The following PCNX2 variants were observed in gnomAD, a reference collection of about 807,000 sequenced individuals.
PCNX2 encodes the protein pecanex-like protein 2.
PCNX2 carries 168 observed loss-of-function variants against 223.8 expected under a neutral mutation model. The observed-to-expected ratio is 0.75, with a 90% CI of 0.66 to 0.85. PCNX2 has a LOEUF of 0.85. PCNX2 is among the 40% of genes least tolerant of loss of function. PCNX2 has a pLI of 0.00. For missense variants in PCNX2, 2,507 were observed against 2,675.5 expected (o/e 0.94, Z 1.39); for synonymous variants, 1,006 against 1,052.6 (o/e 0.96, Z 0.86).
intron 9 of PCNX2, among the ~76,000 whole-genome samples, chr1:233,235,555 C>T (rs1658334559): frequency 6.6e-6 from 1 of 152,144 alleles, no homozygotes; most frequent in South Asian, 2.1e-4. Flanking sequence ...ATTTTCTTTG[C>T]ACAGCTGGGT....
chr1:232,987,794 GC>G (rs1374444378), intron 32 of PCNX2, among the ~76,000 whole-genome samples: 2 of 152,074 alleles, frequency 1.3e-5, no homozygotes, highest in Non-Finnish European at 2.9e-5. Flanking sequence ...GGCTGAAGGG[GC>G]CTTTCTGCCT....
At chr1:233,205,755 T>G (rs182542470) in intron 13 of PCNX2, among the ~76,000 whole-genome samples, 54 of 152,254 alleles carry the variant, frequency 3.5e-4, no homozygotes, top group Non-Finnish European at 6.8e-4. Flanking sequence ...TGGTTCATCC[T>G]TTCAACAAAT....
At chr1:233,309,485 G>A in the PCNX2 span, among the ~76,000 whole-genome samples, 1 of 150,754 alleles carries the variant, frequency 6.6e-6, no homozygotes. Context: ...AGGATGCAGT[G>A]AGCCAAGATC....
intron 15 of PCNX2, among the ~76,000 whole-genome samples, chr1:233,186,686 A>C (rs936699055): frequency 6.6e-6 from 1 of 152,240 alleles, no homozygotes; most frequent in Admixed American, 6.5e-5. Flanking sequence ...GTCAGACTTC[A>C]CTATCTGCTA....
chr1:233,046,050 A>AT (rs1671812448), intron 25 of PCNX2, among the ~76,000 whole-genome samples: 1 of 152,242 alleles, frequency 6.6e-6, no homozygotes, highest in South Asian at 2.1e-4. Flanking sequence ...ACACAAATGC[A>AT]TCCCTTTCAG....
chr1:233,244,072 G>A (rs1239194040), intron 8 of PCNX2, among the ~76,000 whole-genome samples: 1 of 151,870 alleles, frequency 6.6e-6, no homozygotes, highest in Non-Finnish European at 1.5e-5. Flanking sequence ...CTTGTGATCC[G>A]CCCGCCATGG....
intron 22 of PCNX2, among the ~76,000 whole-genome samples, chr1:233,091,739 AAAAAAAAAAATCATGATTTTTT>A (rs1208810291): frequency 6.6e-6 from 1 of 150,660 alleles, no homozygotes; most frequent in African/African-American, 2.4e-5. Flanking sequence ...CCTCAAAAAA[AAAAAAAAAAATCATGATTTTTT>A]TTTTTTCAAG....
rs182258171 is a variant in PCNX2, at chr1:233,187,580, G to C, written c.3067-8405C>G. ...CCAAATCTTACTTCACTCAACAATT[G>C]CAATTCCATTTTGAACAACTTCTGA... On this transcript the variant is annotated intron_variant, in intron 15 of 33. Transcript: ENST00000258229. 2.6e-5 allele frequency among the ~76,000 whole-genome samples: 4 copies of C among 152,208 alleles called. No homozygotes were observed. In the East Asian group the frequency reaches 7.7e-4, roughly 29 times the overall value.
At chr1:233,245,716 C>T (rs540857289) in intron 8 of PCNX2, among the ~76,000 whole-genome samples, 6 of 152,226 alleles carry the variant, frequency 3.9e-5, no homozygotes, top group Non-Finnish European at 8.8e-5. Context: ...AGATTGAGAC[C>T]ATCCTGGCTA....
chr1:233,125,288 C>G (rs1036418451), intron 21 of PCNX2, among the ~76,000 whole-genome samples: 1 of 152,194 alleles, frequency 6.6e-6, no homozygotes, highest in Non-Finnish European at 1.5e-5. Context: ...TTTCACGGGT[C>G]ACTTCTCAAT....
At chr1:233,147,631 T>C (rs931637960) in intron 19 of PCNX2, among the ~76,000 whole-genome samples, 4 of 152,206 alleles carry the variant, frequency 2.6e-5, no homozygotes, top group African/African-American at 7.2e-5. Flanking sequence ...CAGACTTGTG[T>C]TGTTCAAGGT....
intron 23 of PCNX2, among the ~76,000 whole-genome samples, chr1:233,086,487 C>G (rs574064560): frequency 6.6e-6 from 1 of 151,512 alleles, no homozygotes; most frequent in East Asian, 1.9e-4. Flanking sequence ...GAAACCCCGT[C>G]TCTACTAAAA....
intron 9 of PCNX2, 62 bp from the exon 10 acceptor site, chr1:233,227,433 A>AATAT (rs760988738): frequency 2.3e-6 from 3 of 1,300,648 alleles, no homozygotes; most frequent in Non-Finnish European, 3.2e-6. Flanking sequence ...CATGGCCACA[A>AATAT]ATATATATAT....
At position 232,987,179 on chromosome 1, in the gene PCNX2, C is replaced by A. The variant is rs375477316; in HGVS notation, c.5792-639G>T. 1.4e-3 allele frequency among the ~76,000 whole-genome samples: 218 copies of A among 152,356 alleles called. 1 individual carries two copies. Among genetic ancestry groups the A allele is most frequent in the African/African-American group, 5.1e-3 (210 of 41,580 alleles). The stretch of plus-strand genomic sequence containing the variant: ...TCTCAGCCAGCCCCTTTGCCCACTG[C>A]CTCGCCCCTCAGGGGCCCTGCCACC... On this transcript the variant is annotated intron_variant, in intron 32 of 33. Transcript: ENST00000258229.
chr1:233,170,875 C>T (rs928657976), intron 17 of PCNX2, among the ~76,000 whole-genome samples: 1 of 152,128 alleles, frequency 6.6e-6, no homozygotes, highest in Non-Finnish European at 1.5e-5. Context: ...CAAAACATTC[C>T]AACATGCATA....
intron 13 of PCNX2, chr1:233,201,943 T>C (rs2102898327): frequency 9.4e-6 from 2 of 211,694 alleles, no homozygotes; most frequent in African/African-American, 4.7e-5. Flanking sequence ...GGGTGTAGAA[T>C]TGGAACTTAA....
rs747220094 is a variant in PCNX2, at chr1:233,252,645, C to A, written c.1978G>T (p.Ala660Ser). The change falls in exon 6 of 34, where the codon GCC becomes TCC. Residue 660 changes from alanine (A) to serine (S), a missense_variant. Coordinates refer to ENST00000258229, the MANE Select transcript of PCNX2 (RefSeq NM_014801.4). ...AATTAAGTAACTTATCCTTACAAGGCTGTGGTCTTGGCAGGCTGAGTGCAT... is the reference window on the plus strand; with the variant it reads ...AATTAAGTAACTTATCCTTACAAGGATGTGGTCTTGGCAGGCTGAGTGCAT... ...PACTQPAKTT[A>S]FFQGNRQRQI... is the part of the protein sequence containing the mutation. 3 of 1,609,878 alleles carry A rather than the reference C, an allele frequency of 1.9e-6. No homozygotes were observed. The East Asian group carries it at 6.7e-5, about 36-fold the overall frequency.
At chr1:233,156,619 G>T (rs1678144361) in intron 19 of PCNX2, among the ~76,000 whole-genome samples, 1 of 152,040 alleles carries the variant, frequency 6.6e-6, no homozygotes, top group African/African-American at 2.4e-5. Flanking sequence ...TGGAGGGGCC[G>T]ATTTTAAACA....
chr1:233,139,667 G>C lies in PCNX2; in HGVS notation c.3659+47C>G. On this transcript the variant is annotated intron_variant, in intron 20 of 33. Coordinates refer to ENST00000258229, the MANE Select transcript of PCNX2 (RefSeq NM_014801.4). The surrounding 1 kb of genome is among the most constrained non-coding windows in gnomAD (Gnocchi z 4.4). The stretch of plus-strand genomic sequence containing the variant: ...GTTTACAGAAAATTCACTCGATTTT[G>C]AAAATGTGACCCAAATCATTATGAA... 6.5e-7 allele frequency: 1 copy of C among 1,532,276 alleles called. No homozygotes were observed. Among genetic ancestry groups the C allele is most frequent in the African/African-American group, 1.4e-5 (1 of 72,670 alleles). The allele number at this position is 1,532,276 out of a possible 1,614,324, so 94.9% of individuals were successfully genotyped here. A position where few individuals can be genotyped will look rare whatever the true frequency, so the allele number is the denominator to read the frequency against.
Sources: allele counts gnomAD v4.1 joint callset (sites outside exome capture counted in the v4.1 genomes callset), GRCh38; gene constraint gnomAD v4.1.1; non-coding constraint Gnocchi (gnomAD v3.1); transcripts MANE v1.5; gene names NCBI Gene and HGNC (gene_info 2026-07-23, HGNC 2026-07-21).